The following SECISBP2L variants were observed in gnomAD, a reference collection of about 807,000 sequenced individuals.
SECISBP2L encodes the protein SECIS binding protein 2 like.
A neutral mutation model predicts 114.7 loss-of-function variants in SECISBP2L; 43 were observed. That is an observed-to-expected ratio of 0.38 (90% confidence interval 0.29 to 0.48). The LOEUF is 0.48. Ranked by LOEUF, SECISBP2L falls within the 20% of genes least tolerant of loss-of-function variation. SECISBP2L has a pLI of 0.98. For missense variants in SECISBP2L, 1,136 were observed against 1,301.1 expected, an observed-to-expected ratio of 0.87 and a Z score of 1.95; for synonymous variants, 451 against 439.7, an observed-to-expected ratio of 1.03 and a Z score of -0.32.
At chr15:48,997,568 T>C (rs1902120495) in intron 16 of SECISBP2L, among the ~76,000 whole-genome samples, 1 of 152,188 alleles carries the variant, frequency 6.6e-6, no homozygotes, top group Non-Finnish European at 1.5e-5. Flanking sequence ...ACACTGAGCA[T>C]ATTCACATCT....
intron 1 of SECISBP2L, among the ~76,000 whole-genome samples, chr15:49,043,496 T>C (rs2141090344): frequency 6.6e-6 from 1 of 152,212 alleles, no homozygotes; most frequent in Admixed American, 6.5e-5. Flanking sequence ...CTGTCACTTC[T>C]AAGCCCATTG....
rs147199299 is a variant in SECISBP2L, at chr15:49,002,248, G to A, written c.2028-1151C>T. 1.1e-3 allele frequency among the ~76,000 whole-genome samples: 172 copies of A among 152,272 alleles called. 2 individuals carry two copies. Among genetic ancestry groups the A allele is most frequent in the African/African-American group, 4.0e-3 (168 of 41,538 alleles). The stretch of plus-strand genomic sequence containing the variant: ...TCATACGTTTCTTGACCGCATAAAC[G>A]TCTTCTTTTGAGAAGTATCTGCTCG... On this transcript the variant is annotated intron_variant, in intron 14 of 17. Transcript: ENST00000559471.
intron 3 of SECISBP2L, among the ~76,000 whole-genome samples, chr15:49,033,732 T>A (rs1319530646): frequency 1.3e-5 from 2 of 152,034 alleles, no homozygotes; most frequent in African/African-American, 4.8e-5. Flanking sequence ...CCCAGGAAGC[T>A]AAGGCAGGAG....
chr15:48,993,147 G>C (rs1902024405), intron 17 of SECISBP2L, among the ~76,000 whole-genome samples: 1 of 150,198 alleles, frequency 6.7e-6, no homozygotes, highest in African/African-American at 2.5e-5. Flanking sequence ...GTGTGTTTCA[G>C]ATGGGGTCTT....
At chr15:49,015,376 A>G (rs920681608) in intron 11 of SECISBP2L, among the ~76,000 whole-genome samples, 2 of 152,206 alleles carry the variant, frequency 1.3e-5, no homozygotes, top group African/African-American at 2.4e-5. Context: ...AATAGTTATT[A>G]CAAATAACTA....
intron 16 of SECISBP2L, among the ~76,000 whole-genome samples, chr15:48,998,483 GA>G (rs1902140616): frequency 6.6e-6 from 1 of 152,086 alleles, no homozygotes; most frequent in Non-Finnish European, 1.5e-5. Flanking sequence ...GCACTGAAGT[GA>G]AAACAATAAA....
At chr15:49,036,625 A>G (rs180820738) in intron 2 of SECISBP2L, among the ~76,000 whole-genome samples, 2 of 152,386 alleles carry the variant, frequency 1.3e-5, no homozygotes, top group East Asian at 3.9e-4. Flanking sequence ...ATAGGCAAAG[A>G]TATTTAATAT....
At chr15:49,009,144 G>A in intron 14 of SECISBP2L, 72 bp downstream of exon 14, 1 of 1,488,850 alleles carries the variant, frequency 6.7e-7, no homozygotes, top group South Asian at 1.2e-5. Flanking sequence ...GAGTAACAAT[G>A]ACAATACTAA....
In SECISBP2L at chr15:48,992,459, G is replaced by A. The variant is rs2141056857; in HGVS notation, c.3091C>T (p.Leu1031Phe). 1 of 1,614,148 alleles carries A rather than the reference G, an allele frequency of 6.2e-7. No homozygotes were observed. Among genetic ancestry groups the A allele is most frequent in the East Asian group, 2.2e-5 (1 of 44,884 alleles). ...VSETQRTMET[L>F]QLGKTLNGSE... ...CCATTAAGGGTTTTTCCAAGCTGAA[G>A]GGTTTCCATAGTTCTCTGGGTCTCT... Residue 1031 changes from leucine to phenylalanine, a missense_variant, in exon 18 of 18, where the codon CTT (leucine) becomes TTT (phenylalanine). This residue lies in a region of SECISBP2L where 684 missense variants were observed against 848.7 expected (regional missense o/e 0.81). Transcript: ENST00000559471.
intron 17 of SECISBP2L, among the ~76,000 whole-genome samples, chr15:48,993,810 G>A (rs1405642591): frequency 6.6e-6 from 1 of 151,796 alleles, no homozygotes; most frequent in East Asian, 1.9e-4. Context: ...GGCAAAAAAA[G>A]TACCAAGAAT....
intron 12 of SECISBP2L, 82 bp from the exon 13 acceptor site, chr15:49,011,945 G>A (rs1902445980): frequency 5.5e-6 from 8 of 1,451,228 alleles, no homozygotes; most frequent in South Asian, 3.8e-5. Context: ...TATAACACAG[G>A]TATGGTAGTT....
intron 1 of SECISBP2L, among the ~76,000 whole-genome samples, chr15:49,043,167 G>T (rs1903176665): frequency 6.6e-6 from 1 of 151,834 alleles, no homozygotes. Context: ...TTACGTAAGG[G>T]CCAACTATAC....
At chr15:49,030,800 T>C (rs1902868695) in intron 4 of SECISBP2L, among the ~76,000 whole-genome samples, 1 of 152,162 alleles carries the variant, frequency 6.6e-6, no homozygotes, top group Non-Finnish European at 1.5e-5. Flanking sequence ...GGTCTGTTTC[T>C]GGGCTCTCTG....
At position 49,018,713 on chromosome 15, in the gene SECISBP2L, A is replaced by G. The variant is rs1026268600; in HGVS notation, c.1170+705T>C. Among the ~76,000 whole-genome samples the G allele has an allele frequency of 2.0e-5, 3 of 152,346 alleles. No homozygotes were observed. In the South Asian group the frequency reaches 6.2e-4, roughly 32 times the overall value. On this transcript the variant is annotated intron_variant, in intron 8 of 17. Transcript: ENST00000559471. ...GATGTGTGGTGAAAAACATCTTGAC[A>G]CATACAAATTCTACTTGTTTTTTAA... is the stretch of plus-strand genomic sequence containing the variant.
At chr15:49,040,474 G>A (rs1903099836) in intron 1 of SECISBP2L, among the ~76,000 whole-genome samples, 1 of 149,664 alleles carries the variant, frequency 6.7e-6, no homozygotes, top group Admixed American at 6.6e-5. Flanking sequence ...ACATCAAAAT[G>A]CAGCATCTGT....
intron 13 of SECISBP2L, 54 bp downstream of exon 13, chr15:49,011,677 A>G: frequency 1.3e-6 from 2 of 1,596,850 alleles, no homozygotes; most frequent in Non-Finnish European, 1.7e-6. Flanking sequence ...TTACGTATCT[A>G]TTAAAATATT....
At chr15:49,040,919 TTTAA>T (rs2141088725) in intron 1 of SECISBP2L, among the ~76,000 whole-genome samples, 1 of 152,038 alleles carries the variant, frequency 6.6e-6, no homozygotes, top group East Asian at 1.9e-4. Context: ...CTGGCAGTGT[TTTAA>T]TTATATTATT....
chr15:49,028,945 G>A (rs1199421133), intron 4 of SECISBP2L, among the ~76,000 whole-genome samples: 1 of 152,056 alleles, frequency 6.6e-6, no homozygotes, highest in African/African-American at 2.4e-5. Context: ...TGCAACCTTT[G>A]CCTCCCAGGC....
rs1261578335 is a variant in SECISBP2L at position 49,016,868 on chromosome 15, T to A, written c.1399A>T (p.Met467Leu). The change falls in exon 10 of 18, where the codon ATG becomes TTG. Residue 467 changes from methionine (M) to leucine (L), a missense_variant. Met to Leu is a conservative substitution (Grantham distance 15, BLOSUM62 2). This residue lies in a region of SECISBP2L where 684 missense variants were observed against 848.7 expected (regional missense o/e 0.81). Coordinates refer to ENST00000559471, the MANE Select transcript of SECISBP2L (RefSeq NM_001193489.2). ...TGTACCTGTAATTTTTTTTGCTCCA[T>A]ACTTATTTCTGAATACTCTTGAGCT... ...ATAQEYSEISMEQKKLQEALS... is the reference protein window; with the variant it reads ...ATAQEYSEISLEQKKLQEALS... 4.3e-6 allele frequency: 7 copies of A among 1,611,704 alleles called. No individual in the cohort carries two copies. The highest frequency in any genetic ancestry group is 5.9e-6 in the Non-Finnish European group (7 of 1,179,434).
Sources: allele counts gnomAD v4.1 joint callset (sites outside exome capture counted in the v4.1 genomes callset), GRCh38; gene constraint gnomAD v4.1.1; regional missense constraint gnomAD v4.1.1; transcripts MANE v1.5; gene names NCBI Gene and HGNC (gene_info 2026-07-23, HGNC 2026-07-21).